The following B4GALNT3 variants were observed in gnomAD, a reference collection of about 807,000 sequenced individuals.
The protein encoded by B4GALNT3 is beta-1,4-N-acetyl-galactosaminyltransferase 3, also known as beta-1,4-N-acetylgalactosaminyltransferase 3.
B4GALNT3 carries 86 observed loss-of-function variants against 120.2 expected under a neutral mutation model. That is an observed-to-expected ratio of 0.72 (90% confidence interval 0.60 to 0.86). The LOEUF is 0.86. Ranked by LOEUF, B4GALNT3 falls within the 40% of genes least tolerant of loss-of-function variation. The probability of loss-of-function intolerance (pLI) is 0.00; values close to 1 mark genes in which losing one functional copy is unlikely to be tolerated. For synonymous variants in B4GALNT3, 518 were observed against 510.4 expected (o/e 1.01, Z -0.20); for missense variants, 1,167 against 1,298.9 (o/e 0.90, Z 1.56).
At chr12:480,116 T>C (rs569388346) in intron 1 of B4GALNT3, among the ~76,000 whole-genome samples, 11 of 152,014 alleles carry the variant, frequency 7.2e-5, no homozygotes, top group African/African-American at 2.7e-4. Context: ...AAGGTTTCAC[T>C]GCGTTAGCCA....
chr12:531,231 T>C (rs1051490778), intron 1 of B4GALNT3, among the ~76,000 whole-genome samples: 5 of 151,654 alleles, frequency 3.3e-5, no homozygotes, highest in African/African-American at 1.2e-4. Flanking sequence ...TTGGTGAATA[T>C]TTATGGGGGA....
Position 460,154 on chromosome 12 carries a change from C to T in B4GALNT3, c.-223C>T, listed in dbSNP as rs570125927. Reference sequence around the variant, plus strand: ...ACACGCGCGGAGGAGGAGCCGGGCTCGGCTCCCGGAGAGACCTGCTGGGCG... The same window carrying T: ...ACACGCGCGGAGGAGGAGCCGGGCTTGGCTCCCGGAGAGACCTGCTGGGCG... On this transcript the variant is annotated 5_prime_UTR_variant, in exon 1 of 20. Transcript: ENST00000266383. This position sits in a 1 kb window ranked among gnomAD's most constrained non-coding sequence, Gnocchi z 8.0. Among the ~76,000 whole-genome samples the T allele has an allele frequency of 3.1e-3, 463 of 150,834 alleles. 7 individuals are homozygous for T. The highest frequency in any genetic ancestry group is 1.4e-3 in the Non-Finnish European group (97 of 67,400).
intron 1 of B4GALNT3, among the ~76,000 whole-genome samples, chr12:515,364 T>C (rs945909998): frequency 1.3e-5 from 2 of 151,990 alleles, no homozygotes; most frequent in African/African-American, 2.4e-5. Flanking sequence ...CAGCTAATTT[T>C]TTTTTTCGTA....
chr12:525,890 T>G (rs988430084), intron 1 of B4GALNT3, among the ~76,000 whole-genome samples: 1 of 152,236 alleles, frequency 6.6e-6, no homozygotes, highest in Admixed American at 6.5e-5. Context: ...TCCTGGACTC[T>G]TTAGGACACT....
chr12:504,280 A>T (rs1029573611), intron 1 of B4GALNT3, among the ~76,000 whole-genome samples: 1 of 86,264 alleles, frequency 1.2e-5, no homozygotes, highest in African/African-American at 4.9e-5. Flanking sequence ...CCCTGTCTAT[A>T]AAAAAAAAAC....
At chr12:557,828 G>A in intron 16 of B4GALNT3, 67 bp downstream of exon 16, 1 of 1,542,406 alleles carries the variant, frequency 6.5e-7, no homozygotes, top group Non-Finnish European at 8.8e-7. Flanking sequence ...GGGCTGCTGG[G>A]TCCAGGGTAG....
intron 1 of B4GALNT3, among the ~76,000 whole-genome samples, chr12:513,873 G>A (rs976352121): frequency 1.2e-4 from 18 of 152,358 alleles, no homozygotes; most frequent in African/African-American, 4.1e-4. Flanking sequence ...ACAGGCGTGA[G>A]CCACTGTGCC....
In B4GALNT3 at chr12:512,213, C is replaced by T. The variant is rs1296158002; in HGVS notation, c.170-22953C>T. Among the ~76,000 whole-genome samples, 16 of 101,026 alleles carry T rather than the reference C, an allele frequency of 1.6e-4. 1 individual carries two copies. Among genetic ancestry groups the T allele is most frequent in the Non-Finnish European group, 1.7e-4 (9 of 51,512 alleles). 66.3% of individuals were successfully genotyped at this position (101,026 alleles called of 152,430 possible). A position where few individuals can be genotyped will look rare whatever the true frequency, so the allele number is the denominator to read the frequency against. On this transcript the variant is annotated intron_variant, in intron 1 of 19. Transcript: ENST00000266383. ...CTTCCGCCTTCCACCTTCCACCTTC[C>T]ACCTTCCACCTTCTTCCACCTTCCA...
rs749704792 is a variant in B4GALNT3, at chr12:552,124, A to G, written c.1169A>G (p.Asn390Ser). ...CGCCTGAGCCACATGGAGACCCACA[A>G]TAAATGTTTCTACCAGGAAAACGCC... The part of the protein sequence containing the change: ...YTRLSHMETH[N>S]KCFYQENAYY... Residue 390 changes from asparagine (N) to serine (S), a missense_variant, in exon 12 of 20, where the codon AAT (asparagine) becomes AGT (serine). Around this residue, in one of 3 missense-constraint regions of B4GALNT3, gnomAD observed 983 missense variants for 1,102.5 expected, o/e 0.89. Transcript: ENST00000266383. 3.7e-6 allele frequency: 6 copies of G among 1,613,218 alleles called. No homozygotes were observed. The highest frequency in any genetic ancestry group is 5.1e-6 in the Non-Finnish European group (6 of 1,179,262).
At chr12:557,123 TAAC>T (rs1314494312) in intron 15 of B4GALNT3, among the ~76,000 whole-genome samples, 3 of 152,186 alleles carry the variant, frequency 2.0e-5, no homozygotes, top group Non-Finnish European at 2.9e-5. Flanking sequence ...TTGGGTGTGA[TAAC>T]TGGGGTTGCT....
At chr12:470,851 G>A (rs1295730445) in intron 1 of B4GALNT3, among the ~76,000 whole-genome samples, 1 of 151,972 alleles carries the variant, frequency 6.6e-6, no homozygotes, top group Non-Finnish European at 1.5e-5. Context: ...ACATTCTCCT[G>A]CCTCAATCTC....
intron 1 of B4GALNT3, among the ~76,000 whole-genome samples, chr12:479,159 T>C (rs1946211647): frequency 6.6e-6 from 1 of 152,168 alleles, no homozygotes. Context: ...AGAGTCTCTC[T>C]GCAGTGACCT....
chr12:552,964 C>G, intron 13 of B4GALNT3: 1 of 604,958 alleles, frequency 1.7e-6, no homozygotes, highest in Admixed American at 3.1e-5. Flanking sequence ...ACTCAGTCTT[C>G]ACAAACCCAT....
intron 1 of B4GALNT3, among the ~76,000 whole-genome samples, chr12:500,502 G>A (rs1354603609): frequency 6.6e-6 from 1 of 152,190 alleles, no homozygotes; most frequent in Non-Finnish European, 1.5e-5. Context: ...GCAGGTGGTG[G>A]GAGCCAGGAT....
At chr12:518,625 C>T (rs574638444) in intron 1 of B4GALNT3, among the ~76,000 whole-genome samples, 2 of 152,240 alleles carry the variant, frequency 1.3e-5, no homozygotes, top group Non-Finnish European at 1.5e-5. Flanking sequence ...TCTCCAACTC[C>T]TGGGCTCTAA....
In B4GALNT3 at chr12:549,909, C is replaced by G; in HGVS notation, c.994C>G (p.Arg332Gly). 6.2e-7 allele frequency: 1 copy of G among 1,611,452 alleles called. No individual in the cohort carries two copies. The highest frequency in any genetic ancestry group is 8.5e-7 in the Non-Finnish European group (1 of 1,179,192). ...LRPDPRDTLY[R>G]VPLIPKSHLR... ...GCCTGACCCCCGGGACACCCTCTATCGAGGTAAGGCCTCGGCCAGCGCTTG... is the reference window on the plus strand; with the variant it reads ...GCCTGACCCCCGGGACACCCTCTATGGAGGTAAGGCCTCGGCCAGCGCTTG... The change falls in exon 10 of 20, where the codon CGA becomes GGA. Residue 332 changes from arginine (R) to glycine (G), a missense_variant. Physicochemically the swap from Arg to Gly is moderately radical, Grantham distance 125. Transcript: ENST00000266383.
intron 1 of B4GALNT3, among the ~76,000 whole-genome samples, chr12:470,441 C>T (rs891156082): frequency 5.9e-5 from 9 of 152,266 alleles, no homozygotes; most frequent in South Asian, 2.1e-4. Context: ...CAGCTGGTCC[C>T]GACTGCTCAC....
intron 1 of B4GALNT3, among the ~76,000 whole-genome samples, chr12:520,016 C>T (rs1335821108): frequency 7.2e-5 from 11 of 152,104 alleles, no homozygotes; most frequent in Admixed American, 5.2e-4. Context: ...TTGCTGTCTC[C>T]ACTTCATACT....
chr12:495,185 A>G (rs1946377036), intron 1 of B4GALNT3, among the ~76,000 whole-genome samples: 3 of 152,220 alleles, frequency 2.0e-5, no homozygotes, highest in Admixed American at 2.0e-4. Flanking sequence ...CTCAAGTTAC[A>G]CAGTCACACT....
Sources: gnomAD v4.1 joint callset for allele counts (sites outside exome capture counted in the v4.1 genomes callset) on GRCh38, gnomAD v4.1.1 for gene constraint, gnomAD v4.1.1 regional missense constraint, Gnocchi (gnomAD v3.1) non-coding constraint, MANE v1.5 for transcripts, NCBI Gene and HGNC (gene_info 2026-07-23, HGNC 2026-07-21) for gene names.